Variants in BCCIP observed in about 807,000 individuals in gnomAD.
BCCIP encodes BRCA2 and CDKN1A-interacting protein.
Under a neutral mutation model 32.8 loss-of-function variants are expected in BCCIP, and 23 were observed. The ratio of observed to expected loss-of-function variants is 0.70; its 90% confidence interval spans 0.51 to 0.99. The LOEUF (loss-of-function observed/expected upper bound fraction) is 0.99. Among genes scored for constraint, BCCIP ranks in the 50% least tolerant of loss-of-function variants. The pLI is 0.00. For synonymous variants in BCCIP, 144 were observed against 137.6 expected, an observed-to-expected ratio of 1.05 and a Z score of -0.33; for missense variants, 378 against 379.8, an observed-to-expected ratio of 1.00 and a Z score of 0.04.
chr10:125,824,570 A>C (rs1321770814), intron 1 of BCCIP, among the ~76,000 whole-genome samples: 1 of 152,200 alleles, frequency 6.6e-6, no homozygotes, highest in Admixed American at 6.5e-5. Context: ...TATCCAGCCC[A>C]TCAGTAAATC....
intron 3 of BCCIP, among the ~76,000 whole-genome samples, chr10:125,829,979 G>A (rs1854485969): frequency 6.8e-6 from 1 of 147,682 alleles, no homozygotes; most frequent in African/African-American, 2.5e-5. Context: ...GGTGGAGCCA[G>A]TCCCTAGGAT....
intron 1 of BCCIP, chr10:125,826,093 T>G (rs1854383436): frequency 1.3e-5 from 2 of 155,048 alleles, no homozygotes; most frequent in Admixed American, 6.5e-5. Context: ...TTTATAGCAC[T>G]TACATTTATT....
downstream of BCCIP, among the ~76,000 whole-genome samples, chr10:125,843,286 TTTC>T (rs1854930907): frequency 6.6e-6 from 1 of 151,908 alleles, no homozygotes; most frequent in Non-Finnish European, 1.5e-5. Flanking sequence ...TGGTAAAAAT[TTTC>T]TTATGTGCTG....
In BCCIP at chr10:125,830,661, A is replaced by G. The variant is rs1352490228; in HGVS notation, c.411+10A>G. On this transcript the variant is annotated intron_variant, in intron 4 of 6. Transcript: ENST00000278100. Reference sequence around the variant, plus strand: ...TTTAACTGAAAGAAAGGTTGGTTTCACTGGATGGCATCTGAATGGTTATTT... The same window carrying G: ...TTTAACTGAAAGAAAGGTTGGTTTCGCTGGATGGCATCTGAATGGTTATTT... 4 of 1,542,618 alleles carry G rather than the reference A, an allele frequency of 2.6e-6. No homozygotes were observed. The highest frequency in any genetic ancestry group is 3.6e-6 in the Non-Finnish European group (4 of 1,121,910).
At chr10:125,841,194 T>C, downstream of BCCIP, 6 of 1,501,512 alleles carry the variant, frequency 4.0e-6, no homozygotes, top group Non-Finnish European at 5.5e-6. Context: ...CTTTTGTGTG[T>C]GTGTGTTTGC....
exon 7 of BCCIP, chr10:125,842,075 C>T (rs1854897219): frequency 2.7e-6 from 3 of 1,106,128 alleles, no homozygotes; most frequent in Non-Finnish European, 3.7e-6. Flanking sequence ...CACCAAATAC[C>T]AGGGAGTGAA....
intron 2 of BCCIP, 57 bp downstream of exon 2, chr10:125,826,722 G>A (rs1203581533): frequency 3.1e-6 from 5 of 1,595,704 alleles, no homozygotes; most frequent in South Asian, 1.1e-5. Flanking sequence ...ATCAGGGGCC[G>A]GGTGCAGTGG....
downstream of BCCIP, among the ~76,000 whole-genome samples, chr10:125,840,336 C>T (rs942025866): frequency 6.6e-6 from 1 of 152,224 alleles, no homozygotes; most frequent in Non-Finnish European, 1.5e-5. Context: ...TCTCTGGACA[C>T]CCTCTGCTCT....
chr10:125,831,620 G>A lies in BCCIP; in HGVS notation c.599+13G>A. 6.3e-7 allele frequency: 1 copy of A among 1,592,136 alleles called. No homozygotes were observed. The highest frequency in any genetic ancestry group is 8.5e-7 in the Non-Finnish European group (1 of 1,169,744). On this transcript the variant is annotated intron_variant, in intron 5 of 6. Coordinates refer to ENST00000278100, the MANE Select transcript of BCCIP (RefSeq NM_078468.3). ...ACCAGCAGCTTCAGTAAGAGATTCT[G>A]GGAAAATATCTTTGAACAGTAATTT...
chr10:125,847,957 G>A (rs561483790), intron 7 of BCCIP, among the ~76,000 whole-genome samples: 2 of 152,288 alleles, frequency 1.3e-5, no homozygotes, highest in South Asian at 2.1e-4. Flanking sequence ...CCTGCTGTCC[G>A]GCCCAGTTCC....
chr10:125,834,078 C>T, intron 6 of BCCIP, 132 bp downstream of exon 6: 2 of 953,064 alleles, frequency 2.1e-6, no homozygotes, highest in Admixed American at 2.4e-5. Flanking sequence ...TGTTTCCCCA[C>T]AGGACCTAGC....
rs986913762 is a variant in BCCIP at position 125,836,389 on chromosome 10, G to C, written c.*115G>C. Reference sequence around the variant, plus strand: ...GATTAAGTTCCTCTACAAAAAGTAGGGTTCTGTCCCATGTGTCTCTGACAC... The same window carrying C: ...GATTAAGTTCCTCTACAAAAAGTAGCGTTCTGTCCCATGTGTCTCTGACAC... On this transcript the variant is annotated 3_prime_UTR_variant, in exon 7 of 7. Transcript: ENST00000278100. 2.6e-6 allele frequency: 4 copies of C among 1,538,934 alleles called. No homozygotes were observed. Among genetic ancestry groups the C allele is most frequent in the Admixed American group, 4.4e-5 (2 of 45,130 alleles).
intron 3 of BCCIP, among the ~76,000 whole-genome samples, chr10:125,828,110 GA>G (rs1316945158): frequency 6.6e-5 from 10 of 152,256 alleles, no homozygotes; most frequent in Middle Eastern, 3.4e-3. Context: ...GGGGGCAATG[GA>G]GAGGGAGAGA....
At chr10:125,828,275 G>A (rs1206127126) in intron 3 of BCCIP, among the ~76,000 whole-genome samples, 2 of 152,166 alleles carry the variant, frequency 1.3e-5, no homozygotes, top group African/African-American at 2.4e-5. Flanking sequence ...GTCAAATTAG[G>A]AGGGGGAATG....
Position 125,831,507 on chromosome 10 carries a change from A to T in BCCIP, c.499A>T (p.Lys167Ter). The change falls in exon 5 of 7, where the codon AAG becomes TAG. Residue 167 changes from lysine (K) to a stop codon, truncating the protein, a stop_gained. Transcript: ENST00000278100. LOFTEE classifies it high-confidence loss of function. The part of the protein sequence containing the change: ...CEKSMVEQLD[K>*]FLNDTTKPVG... Reference sequence around the variant, plus strand: ...AAAGAGCATGGTTGAACAGCTGGACAAGTTTTTAAATGACACCACCAAGCC... The same window carrying T: ...AAAGAGCATGGTTGAACAGCTGGACTAGTTTTTAAATGACACCACCAAGCC... 1 of 1,614,214 alleles carries T rather than the reference A, an allele frequency of 6.2e-7. No homozygotes were observed. Among genetic ancestry groups the T allele is most frequent in the East Asian group, 2.2e-5 (1 of 44,878 alleles).
intron 4 of BCCIP, 45 bp from the exon 5 acceptor site, chr10:125,831,375 T>C (rs1362336656): frequency 6.3e-7 from 1 of 1,578,866 alleles, no homozygotes; most frequent in African/African-American, 1.4e-5. Flanking sequence ...TTGTCCTCTA[T>C]GTGATGGCTT....
downstream of BCCIP, among the ~76,000 whole-genome samples, chr10:125,846,812 T>A (rs1354742375): frequency 1.3e-5 from 2 of 152,056 alleles, no homozygotes; most frequent in Non-Finnish European, 2.9e-5. Context: ...TTCTTGGGCG[T>A]TTTCGACTTT....
At chr10:125,835,374 A>T (rs1854643698) in intron 6 of BCCIP, among the ~76,000 whole-genome samples, 9 of 152,078 alleles carry the variant, frequency 5.9e-5, no homozygotes, top group Admixed American at 5.9e-4. Flanking sequence ...AGGTCAGGAG[A>T]TCAGACCATC....
At chr10:125,831,075 G>C (rs1298642138) in intron 4 of BCCIP, among the ~76,000 whole-genome samples, 1 of 152,180 alleles carries the variant, frequency 6.6e-6, no homozygotes, top group African/African-American at 2.4e-5. Context: ...TAAACCAGCT[G>C]CTTACCCACC....
Sources: gnomAD v4.1 joint callset for allele counts (sites outside exome capture counted in the v4.1 genomes callset) on GRCh38, gnomAD v4.1.1 for gene constraint, MANE v1.5 for transcripts, NCBI Gene and HGNC (gene_info 2026-07-23, HGNC 2026-07-21) for gene names.